Variants in ASIC2 observed in about 807,000 individuals in gnomAD.
The protein encoded by ASIC2 is acid sensing ion channel subunit 2, also known as acid-sensing ion channel 2.
A neutral mutation model predicts 57.3 loss-of-function variants in ASIC2; 25 were observed. The ratio of observed to expected loss-of-function variants is 0.44; its 90% CI spans 0.32 to 0.61. The LOEUF (loss-of-function observed/expected upper bound fraction) is 0.61. Among genes scored for constraint, ASIC2 ranks in the 20% least tolerant of loss-of-function variants. The probability of loss-of-function intolerance (pLI) is 0.06; values close to 1 mark genes in which losing one functional copy is unlikely to be tolerated. For synonymous variants in ASIC2, 319 were observed against 307.5 expected, an observed-to-expected ratio of 1.04 and a Z score of -0.39; for missense variants, 641 against 738.1, an observed-to-expected ratio of 0.87 and a Z score of 1.52.
At chr17:33,290,586 C>T (rs1256793161) in intron 1 of ASIC2, 2 of 152,296 alleles carry the variant, frequency 1.3e-5, no homozygotes, top group Admixed American at 1.3e-4. Flanking sequence ...AGCACAGCTT[C>T]TCCTGGCCGC....
chr17:33,986,979 T>C (rs454204), intron 1 of ASIC2, among the ~76,000 whole-genome samples: 79,548 of 152,034 alleles, frequency 0.52, 21,574 homozygotes, highest in Non-Finnish European at 0.62. Flanking sequence ...GCAGTGGCCA[T>C]AGAATAGCAA....
intron 1 of ASIC2, among the ~76,000 whole-genome samples, chr17:33,498,560 G>A (rs1424857847): frequency 1.3e-5 from 2 of 152,182 alleles, no homozygotes; most frequent in Non-Finnish European, 2.9e-5. Context: ...AAAGAAGGCG[G>A]CCTGGGGGAA....
At chr17:33,728,288 C>T (rs867940173) in intron 1 of ASIC2, among the ~76,000 whole-genome samples, 5 of 152,130 alleles carry the variant, frequency 3.3e-5, no homozygotes, top group South Asian at 4.1e-4. Flanking sequence ...ACACGTTCTA[C>T]AGCATAAGGG....
intron 1 of ASIC2, among the ~76,000 whole-genome samples, chr17:33,987,031 TTAATC>T (rs965443255): frequency 6.6e-6 from 1 of 152,168 alleles, no homozygotes; most frequent in African/African-American, 2.4e-5. Flanking sequence ...ACACCAATCA[TTAATC>T]TAAGCATTTT....
intron 1 of ASIC2, among the ~76,000 whole-genome samples, chr17:34,042,702 T>C (rs536718729): frequency 6.6e-6 from 1 of 152,324 alleles, no homozygotes; most frequent in East Asian, 1.9e-4. Flanking sequence ...GGATAGCACT[T>C]GGTTTGAGCT....
intron 1 of ASIC2, among the ~76,000 whole-genome samples, chr17:34,081,249 C>A (rs1909870462): frequency 6.6e-6 from 1 of 152,106 alleles, no homozygotes; most frequent in South Asian, 2.1e-4. Context: ...GGGATTTTGG[C>A]ACACAATAAA....
chr17:33,292,191 T>TGGAAGCAGCAGCAGC lies in ASIC2; in HGVS notation c.-91_-77dup. 2.0e-6 allele frequency: 2 copies of TGGAAGCAGCAGCAGC among 1,009,012 alleles called. No individual in the cohort carries two copies. Among genetic ancestry groups the TGGAAGCAGCAGCAGC allele is most frequent in the Non-Finnish European group, 2.4e-6 (2 of 847,692 alleles). The allele number at this position is 1,009,012 out of a possible 1,614,324, so 62.5% of individuals were successfully genotyped here. ...CCGCCATGGGAGTCCGCAGCAGCAG[T>TGGAAGCAGCAGCAGC]GGAAGCAGCAGCAGCGGCAGCCGCG... On this transcript the variant is annotated 5_prime_UTR_variant, in exon 1 of 10. Transcript: ENST00000225823.
intron 1 of ASIC2, chr17:33,932,761 TAG>T (rs1567760256): frequency 3.1e-5 from 4 of 127,266 alleles, no homozygotes; most frequent in African/African-American, 1.2e-4. Context: ...TATATATATA[TAG>T]TATGATAAAT....
chr17:33,703,812 A>T (rs1205391224), intron 1 of ASIC2, among the ~76,000 whole-genome samples: 5 of 151,986 alleles, frequency 3.3e-5, no homozygotes, highest in Non-Finnish European at 1.5e-5. Flanking sequence ...GGTGTACATG[A>T]TTGTTAGACT....
chr17:33,520,658 C>T (rs765596941), intron 1 of ASIC2, among the ~76,000 whole-genome samples: 3 of 152,248 alleles, frequency 2.0e-5, no homozygotes, highest in African/African-American at 2.4e-5. Flanking sequence ...CCCTTACCCA[C>T]GGACAGGGCC....
At chr17:33,057,528 A>G (rs2141935340) in intron 3 of ASIC2, among the ~76,000 whole-genome samples, 1 of 152,348 alleles carries the variant, frequency 6.6e-6, no homozygotes, top group East Asian at 1.9e-4. Context: ...GCTGGATAAC[A>G]TCTTTGCAGG....
At chr17:33,324,970 C>T (rs557110895) in intron 1 of ASIC2, among the ~76,000 whole-genome samples, 41 of 152,284 alleles carry the variant, frequency 2.7e-4, no homozygotes, top group African/African-American at 8.9e-4. Context: ...AGAGCCACAA[C>T]AGATAGAGGA....
intron 1 of ASIC2, among the ~76,000 whole-genome samples, chr17:33,284,750 G>A (rs992049528): frequency 1.3e-5 from 2 of 152,082 alleles, no homozygotes; most frequent in African/African-American, 4.8e-5. Flanking sequence ...CTTGAGCCTC[G>A]GCTTTCTCAT....
rs116568025 is a variant in ASIC2 at position 34,127,480 on chromosome 17, T to A, written c.555+28498A>T. Reference sequence around the variant, plus strand: ...CCCCACAGCCAGAGTTTCAATTTAGTTGTGGATGCATCCCCTTTCTCTTCC... The same window carrying A: ...CCCCACAGCCAGAGTTTCAATTTAGATGTGGATGCATCCCCTTTCTCTTCC... On this transcript the variant is annotated intron_variant, in intron 1 of 9. Coordinates refer to the ASIC2 transcript ENST00000359872. 5.6e-3 allele frequency among the ~76,000 whole-genome samples: 848 copies of A among 152,380 alleles called. 11 individuals are homozygous for A. Among genetic ancestry groups the A allele is most frequent in the African/African-American group, 0.02 (815 of 41,594 alleles).
chr17:33,146,575 T>C (rs1298233663), intron 1 of ASIC2, among the ~76,000 whole-genome samples: 1 of 152,206 alleles, frequency 6.6e-6, no homozygotes, highest in Non-Finnish European at 1.5e-5. Flanking sequence ...AAACTCCTAG[T>C]TTGCTCACAG....
intron 1 of ASIC2, among the ~76,000 whole-genome samples, chr17:33,534,870 G>C (rs1260444782): frequency 1.3e-5 from 2 of 152,200 alleles, no homozygotes; most frequent in African/African-American, 2.4e-5. Context: ...ATTGATGTGA[G>C]GGGGGCTTAT....
chr17:33,347,158 C>A (rs1907981693), intron 1 of ASIC2, among the ~76,000 whole-genome samples: 1 of 152,024 alleles, frequency 6.6e-6, no homozygotes, highest in African/African-American at 2.4e-5. Context: ...GGAACCAAAA[C>A]ACAAGAGGAG....
chr17:33,866,495 A>G (rs1215609823), intron 1 of ASIC2, among the ~76,000 whole-genome samples: 2 of 152,196 alleles, frequency 1.3e-5, no homozygotes, highest in African/African-American at 4.8e-5. Context: ...ATCTCTGAGC[A>G]CTTATGTGAT....
chr17:33,089,014 G>A (rs752669551), intron 2 of ASIC2, 24 bp from the exon 3 acceptor site: 4 of 1,613,424 alleles, frequency 2.5e-6, no homozygotes, highest in Non-Finnish European at 3.4e-6. Context: ...GATGGACAGA[G>A]CCACGGGTCA....
Sources: allele counts gnomAD v4.1 joint callset (sites outside exome capture counted in the v4.1 genomes callset), GRCh38; gene constraint gnomAD v4.1.1; transcripts MANE v1.5; gene names NCBI Gene and HGNC (gene_info 2026-07-23, HGNC 2026-07-21).